Variants in RNF182 observed in about 807,000 individuals in gnomAD.
RNF182 encodes the protein E3 ubiquitin-protein ligase RNF182.
In RNF182, 15 loss-of-function variants were observed where a neutral mutation model predicts 14.4. That is an observed-to-expected ratio of 1.04 (90% CI 0.70 to 1.60). The LOEUF is 1.60. Ranked by LOEUF, RNF182 falls within the 40% of genes most tolerant of loss-of-function variation. The probability of loss-of-function intolerance (pLI) is 0.00; values close to 1 mark genes in which losing one functional copy is unlikely to be tolerated. For missense variants in RNF182, 268 were observed against 294.8 expected (o/e 0.91, Z 0.67); for synonymous variants, 128 against 122.9 (o/e 1.04, Z -0.27).
chr6:13,940,954 T>C (rs1198092196), intron 1 of RNF182, among the ~76,000 whole-genome samples: 1 of 152,158 alleles, frequency 6.6e-6, no homozygotes, highest in Non-Finnish European at 1.5e-5. Flanking sequence ...TTAGTCTTTT[T>C]TTTTGAGACT....
intron 1 of RNF182, among the ~76,000 whole-genome samples, chr6:13,950,671 A>G (rs1759565778): frequency 6.6e-6 from 1 of 151,884 alleles, no homozygotes; most frequent in South Asian, 2.1e-4. Flanking sequence ...TAATTTTTGT[A>G]TTTTTAGTAG....
At chr6:13,965,048 A>G (rs1213513562) in intron 1 of RNF182, among the ~76,000 whole-genome samples, 1 of 152,232 alleles carries the variant, frequency 6.6e-6, no homozygotes, top group Non-Finnish European at 1.5e-5. Context: ...AAGGCAGTCT[A>G]TGAGAACAGA....
At chr6:13,946,929 G>T (rs1312216525) in intron 1 of RNF182, among the ~76,000 whole-genome samples, 4 of 152,168 alleles carry the variant, frequency 2.6e-5, no homozygotes, top group Non-Finnish European at 5.9e-5. Context: ...GAGTCCTGAT[G>T]AAAGATGATA....
intron 1 of RNF182, among the ~76,000 whole-genome samples, chr6:13,944,403 T>G (rs1759383769): frequency 6.6e-6 from 1 of 152,142 alleles, no homozygotes; most frequent in Non-Finnish European, 1.5e-5. Context: ...TAGTGTTTGT[T>G]CAAATGTCTT....
At position 13,940,253 on chromosome 6, in the gene RNF182, C is replaced by T. The variant is rs548582671; in HGVS notation, c.-367+15230C>T. On this transcript the variant is annotated intron_variant, in intron 1 of 2. Transcript: ENST00000488300. ...TTAGCAAATGATTTTCCGCATTTAT[C>T]GAGATGATGATATGATTTGTTCCTC... Among the ~76,000 whole-genome samples the T allele has an allele frequency of 1.2e-4, 18 of 152,132 alleles. No homozygotes were observed. In the South Asian group the frequency reaches 2.7e-3, roughly 23 times the overall value.
chr6:13,940,699 T>G (rs1021738611), intron 1 of RNF182, among the ~76,000 whole-genome samples: 2 of 152,160 alleles, frequency 1.3e-5, no homozygotes, highest in African/African-American at 4.8e-5. Flanking sequence ...TTATTGATTT[T>G]CAACTTTTCT....
chr6:13,977,163 C>G lies in RNF182; in HGVS notation c.44C>G (p.Ser15Cys). ...PPEDTAESQA[S>C]DELECKICYN... ...GAAGACACTGCGGAGTCTCAGGCCT[C>G]TGATGAGCTGGAGTGCAAAATCTGT... The change falls in exon 3 of 3, where the codon TCT becomes TGT. Residue 15 changes from serine (S) to cysteine (C), a missense_variant. Ser to Cys is a moderately radical substitution (Grantham distance 112, BLOSUM62 -1). Transcript: ENST00000488300. The G allele has an allele frequency of 6.2e-7, 1 of 1,614,162 alleles. No individual in the cohort carries two copies. Among genetic ancestry groups the G allele is most frequent in the South Asian group, 1.1e-5 (1 of 91,076 alleles).
intron 1 of RNF182, among the ~76,000 whole-genome samples, chr6:13,966,291 G>GGT (rs1760026362): frequency 6.6e-6 from 1 of 152,104 alleles, no homozygotes; most frequent in Non-Finnish European, 1.5e-5. Context: ...CAGACCTTGA[G>GGT]ATACAGGAAG....
intron 1 of RNF182, among the ~76,000 whole-genome samples, chr6:13,965,462 A>G (rs886929241): frequency 7.2e-5 from 11 of 152,218 alleles, no homozygotes; most frequent in African/African-American, 2.4e-4. Context: ...GAGTCTGTAA[A>G]TTCAAATAGC....
chr6:13,968,641 C>G (rs1760097636), intron 1 of RNF182, among the ~76,000 whole-genome samples: 1 of 152,096 alleles, frequency 6.6e-6, no homozygotes, highest in African/African-American at 2.4e-5. Flanking sequence ...TAAAGTTTCT[C>G]TAAGATTTCA....
At chr6:13,946,289 C>T (rs991294850) in intron 1 of RNF182, among the ~76,000 whole-genome samples, 8 of 151,812 alleles carry the variant, frequency 5.3e-5, no homozygotes, top group Non-Finnish European at 1.2e-4. Context: ...GCCTCAGCCT[C>T]CTGAGCAGCT....
chr6:13,977,592 T>G lies in RNF182; in HGVS notation c.473T>G (p.Phe158Cys). Residue 158 changes from phenylalanine to cysteine, a missense_variant, in exon 3 of 3, where the codon TTC (phenylalanine) becomes TGC (cysteine). Phe to Cys is a radical substitution (Grantham distance 205, BLOSUM62 -2). Transcript: ENST00000488300. ...GTAGAATTTTATAGGCCTGCGAGTT[T>G]CGACTCTGTCACCACTGTGTCACAC... ...PVVEFYRPAS[F>C]DSVTTVSHNW... 2 of 1,614,200 alleles carry G rather than the reference T, an allele frequency of 1.2e-6. No individual in the cohort carries two copies. Among genetic ancestry groups the G allele is most frequent in the Non-Finnish European group, 1.7e-6 (2 of 1,180,022 alleles).
chr6:13,930,766 C>G (rs940716522), intron 1 of RNF182, among the ~76,000 whole-genome samples: 2 of 152,178 alleles, frequency 1.3e-5, no homozygotes, highest in African/African-American at 4.8e-5. Flanking sequence ...GCCAGGTACG[C>G]TATTAAGTAT....
At chr6:13,949,307 C>T (rs1380764703) in intron 1 of RNF182, 1 of 776,110 alleles carries the variant, frequency 1.3e-6, no homozygotes, top group Non-Finnish European at 2.4e-6. Flanking sequence ...GACATGTGGG[C>T]ATCCTGCGGT....
At chr6:13,946,502 T>C (rs1298611451) in intron 1 of RNF182, among the ~76,000 whole-genome samples, 1 of 152,214 alleles carries the variant, frequency 6.6e-6, no homozygotes, top group Non-Finnish European at 1.5e-5. Context: ...CTTTTGTTCA[T>C]AAGATATCAG....
Position 13,977,958 on chromosome 6 carries a change from T to G in RNF182, c.*95T>G, listed in dbSNP as rs1039790661. The G allele has an allele frequency of 1.7e-5, 23 of 1,316,692 alleles. No individual in the cohort carries two copies. The African/African-American group carries it at 1.8e-4, about 10-fold the overall frequency. 81.6% of individuals were successfully genotyped at this position (1,316,692 alleles called of 1,614,324 possible). ...TATTTTCTTTTATGTTCTTTATGAT[T>G]AGTATCCATGACATTAACAAAACCC... On this transcript the variant is annotated 3_prime_UTR_variant, in exon 3 of 3. Transcript: ENST00000488300.
At chr6:13,942,585 A>G (rs547231167) in intron 1 of RNF182, among the ~76,000 whole-genome samples, 17 of 152,186 alleles carry the variant, frequency 1.1e-4, no homozygotes, top group African/African-American at 3.6e-4. Flanking sequence ...CAACTGATCT[A>G]CTTGCCTCAG....
intron 1 of RNF182, among the ~76,000 whole-genome samples, chr6:13,934,269 C>T (rs914994177): frequency 2.6e-5 from 4 of 152,182 alleles, no homozygotes; most frequent in Non-Finnish European, 4.4e-5. Context: ...CACCCTGTCT[C>T]TTATTGTTAT....
intron 1 of RNF182, among the ~76,000 whole-genome samples, chr6:13,946,635 C>T (rs141121069): frequency 3.3e-5 from 5 of 152,238 alleles, no homozygotes; most frequent in South Asian, 2.1e-4. Flanking sequence ...TGTCTAGCCT[C>T]CTGGGAATCC....
Sources: gnomAD v4.1 joint callset for allele counts (sites outside exome capture counted in the v4.1 genomes callset) on GRCh38, gnomAD v4.1.1 for gene constraint, MANE v1.5 for transcripts, NCBI Gene and HGNC (gene_info 2026-07-23, HGNC 2026-07-21) for gene names.